RYR2: variants seen among roughly 807,000 people sequenced by gnomAD.
The protein encoded by RYR2 is cardiac muscle ryanodine receptor-calcium release channel.
Under a neutral mutation model 601.1 loss-of-function variants are expected in RYR2, and 227 were observed. That is an observed-to-expected ratio of 0.38 (90% CI 0.34 to 0.42). The LOEUF (loss-of-function observed/expected upper bound fraction) is 0.42, where lower values mean the gene tolerates loss of function less well. RYR2 is among the 10% of genes least tolerant of loss of function. RYR2 has a pLI of 1.00. For synonymous variants in RYR2, 2,223 were observed against 2,175.1 expected (o/e 1.02, Z -0.61); for missense variants, 4,646 against 6,156.5 (o/e 0.75, Z 8.21).
At chr1:237,304,013 G>C (rs1693633776) in intron 2 of RYR2, among the ~76,000 whole-genome samples, 1 of 152,174 alleles carries the variant, frequency 6.6e-6, no homozygotes, top group Non-Finnish European at 1.5e-5. Context: ...TGACTTAGTA[G>C]AGAATGAGTG....
chr1:237,643,596 A>G lies in RYR2; in HGVS notation c.7342+149A>G, dbSNP rs536544084. 3 of 719,228 alleles carry G rather than the reference A, an allele frequency of 4.2e-6. No homozygotes were observed. In the East Asian group the frequency reaches 1.0e-4, roughly 25 times the overall value. 44.6% of individuals were successfully genotyped at this position (719,228 alleles called of 1,614,324 possible). A position where few individuals can be genotyped will look rare whatever the true frequency, so the allele number is the denominator to read the frequency against. On this transcript the variant is annotated intron_variant, in intron 48 of 104. Coordinates refer to ENST00000366574, the MANE Select transcript of RYR2 (RefSeq NM_001035.3). ...ATTAGTTTTTTTAAAAAAGCTGTAA[A>G]GTATATATTTTATAATTTTTTCCTT...
chr1:237,496,449 A>G lies in RYR2; in HGVS notation c.1962-62A>G. On this transcript the variant is annotated intron_variant, in intron 19 of 104. Transcript: ENST00000366574. ...ATACACAAGTGAAATTGTGAGATGT[A>G]AATGAAAACAATGAAAGGTTTTTTT... 3 of 1,592,264 alleles carry G rather than the reference A, an allele frequency of 1.9e-6. No homozygotes were observed. In the South Asian group the frequency reaches 3.4e-5, roughly 18 times the overall value.
intron 80 of RYR2, among the ~76,000 whole-genome samples, chr1:237,745,250 G>T (rs181714633): frequency 6.6e-6 from 1 of 152,122 alleles, no homozygotes; most frequent in South Asian, 2.1e-4. Flanking sequence ...CATACAATGG[G>T]CCTAACACTT....
At position 237,439,856 on chromosome 1, in the gene RYR2, A is replaced by G. The variant is rs537465810; in HGVS notation, c.1006-1463A>G. Among the ~76,000 whole-genome samples, 8 of 152,106 alleles carry G rather than the reference A, an allele frequency of 5.3e-5. No individual in the cohort carries two copies. In the East Asian group the frequency reaches 1.5e-3, roughly 29 times the overall value. Reference sequence around the variant, plus strand: ...CAAAAAAAAAAAATGTTAGAGGCTCACTGTTCTATTCTGAAGAGATAATTA... The same window carrying G: ...CAAAAAAAAAAAATGTTAGAGGCTCGCTGTTCTATTCTGAAGAGATAATTA... On this transcript the variant is annotated intron_variant, in intron 12 of 104. Transcript: ENST00000366574.
At chr1:237,495,138 C>T (rs933337473) in intron 19 of RYR2, among the ~76,000 whole-genome samples, 4 of 152,108 alleles carry the variant, frequency 2.6e-5, no homozygotes, top group African/African-American at 7.2e-5. Flanking sequence ...ATTGCATATT[C>T]ACTCTAGGGC....
chr1:237,595,391 C>A, intron 33 of RYR2, 107 bp from the exon 34 acceptor site: 1 of 1,316,830 alleles, frequency 7.6e-7, no homozygotes, highest in Non-Finnish European at 1.0e-6. Context: ...CCCATTACAG[C>A]ATGAGCTTGT....
In RYR2 at chr1:237,441,460, A is replaced by G. The variant is rs1707894005; in HGVS notation, c.1147A>G (p.Arg383Gly). Residue 383 changes from arginine (R) to glycine (G), a missense_variant, in exon 13 of 105, where the codon AGA becomes GGA. Physicochemically the swap from Arg to Gly is moderately radical, Grantham distance 125. Coordinates refer to ENST00000366574, the MANE Select transcript of RYR2 (RefSeq NM_001035.3). ...CCAGTCTGTGGACGTGAAATCCGTGAGAATGGGATCTATACAACGTAAGGT... is the reference window on the plus strand; with the variant it reads ...CCAGTCTGTGGACGTGAAATCCGTGGGAATGGGATCTATACAACGTAAGGT... ...TYQSVDVKSV[R>G]MGSIQRKAIM... The G allele has an allele frequency of 1.3e-6, 2 of 1,596,928 alleles. No individual in the cohort carries two copies. Among genetic ancestry groups the G allele is most frequent in the Non-Finnish European group, 8.5e-7 (1 of 1,170,146 alleles).
intron 58 of RYR2, among the ~76,000 whole-genome samples, chr1:237,673,488 A>T (rs1685135925): frequency 6.6e-6 from 1 of 152,162 alleles, no homozygotes; most frequent in South Asian, 2.1e-4. Flanking sequence ...CTAGGAATCT[A>T]GACTCTTGCT....
At chr1:237,520,450 T>C (rs889352589) in intron 24 of RYR2, among the ~76,000 whole-genome samples, 2 of 152,218 alleles carry the variant, frequency 1.3e-5, no homozygotes, top group African/African-American at 4.8e-5. Context: ...TTGTTGTATA[T>C]GGCCTTTATT....
intron 60 of RYR2, among the ~76,000 whole-genome samples, chr1:237,675,617 CTTTGTT>C (rs1685327891): frequency 6.6e-6 from 1 of 152,124 alleles, no homozygotes. Flanking sequence ...GACGTTTTCT[CTTTGTT>C]TTTAACACTC....
chr1:237,262,132 T>A (rs1485829250), intron 1 of RYR2, among the ~76,000 whole-genome samples: 1 of 151,984 alleles, frequency 6.6e-6, no homozygotes, highest in East Asian at 1.9e-4. Context: ...TCCAGCAGAC[T>A]TGGCAACAGT....
chr1:237,177,185 C>T (rs1678149743), intron 1 of RYR2, among the ~76,000 whole-genome samples: 1 of 152,188 alleles, frequency 6.6e-6, no homozygotes, highest in Admixed American at 6.5e-5. Context: ...TCCTTCTGGA[C>T]TGGCTACTAC....
At chr1:237,506,686 C>A in intron 22 of RYR2, 24 bp from the exon 23 acceptor site, 1 of 1,570,632 alleles carries the variant, frequency 6.4e-7, no homozygotes, top group South Asian at 1.1e-5. Flanking sequence ...TCTGATGTGT[C>A]TTTTTTCTTT....
In RYR2 at chr1:237,106,785, A is replaced by G. The variant is rs943218208; in HGVS notation, c.48+64216A>G. Among the ~76,000 whole-genome samples, 4 of 152,194 alleles carry G rather than the reference A, an allele frequency of 2.6e-5. No homozygotes were observed. Among genetic ancestry groups the G allele is most frequent in the African/African-American group, 9.7e-5 (4 of 41,444 alleles). On this transcript the variant is annotated intron_variant, in intron 1 of 104. Coordinates refer to ENST00000366574, the MANE Select transcript of RYR2 (RefSeq NM_001035.3). This position sits in a 1 kb window ranked among gnomAD's most constrained non-coding sequence, Gnocchi z 4.4. ...AGTTCTGGATGCTGGGAAGCCCAAG[A>G]TCAGAGTGCCAGCAATTTGGTGTCT...
chr1:237,782,353 G>C (rs1038784510), intron 89 of RYR2, among the ~76,000 whole-genome samples: 2 of 152,046 alleles, frequency 1.3e-5, no homozygotes, highest in Non-Finnish European at 2.9e-5. Flanking sequence ...AGAAATGATA[G>C]ATATTGATAT....
chr1:237,075,454 C>T (rs1164332004), intron 1 of RYR2, among the ~76,000 whole-genome samples: 2 of 138,840 alleles, frequency 1.4e-5, no homozygotes, highest in Non-Finnish European at 3.1e-5. Context: ...CGAGGCATTG[C>T]CTCACCTGGG....
intron 1 of RYR2, among the ~76,000 whole-genome samples, chr1:237,056,840 C>T (rs1339454840): frequency 6.6e-6 from 1 of 152,126 alleles, no homozygotes; most frequent in East Asian, 1.9e-4. Flanking sequence ...ATCTGTGAGC[C>T]AAGGAGCACT....
At chr1:237,757,419 G>A (rs1230092342) in intron 81 of RYR2, among the ~76,000 whole-genome samples, 2 of 152,148 alleles carry the variant, frequency 1.3e-5, no homozygotes, top group African/African-American at 4.8e-5. Flanking sequence ...TTCAGGTCTC[G>A]ATATTTCAAA....
chr1:237,222,959 C>T (rs759819552), intron 1 of RYR2, among the ~76,000 whole-genome samples: 25 of 152,176 alleles, frequency 1.6e-4, no homozygotes, highest in Non-Finnish European at 2.8e-4. Context: ...CAGCTACGCA[C>T]GCAGGAGGCT....
Sources: gnomAD v4.1 joint callset for allele counts (sites outside exome capture counted in the v4.1 genomes callset) on GRCh38, gnomAD v4.1.1 for gene constraint, Gnocchi (gnomAD v3.1) non-coding constraint, MANE v1.5 for transcripts, NCBI Gene and HGNC (gene_info 2026-07-23, HGNC 2026-07-21) for gene names.